The following NADSYN1 variants were observed in gnomAD, a reference collection of about 807,000 sequenced individuals.
NADSYN1 encodes the protein glutamine-dependent NAD(+) synthetase.
NADSYN1 carries 80 observed loss-of-function variants against 99.3 expected under a neutral mutation model. The ratio of observed to expected loss-of-function variants is 0.81; its 90% CI spans 0.67 to 0.97. NADSYN1 has a LOEUF of 0.97. NADSYN1 is among the 50% of genes least tolerant of loss of function. The pLI is 0.00. For missense variants in NADSYN1, 859 were observed against 948.5 expected, an observed-to-expected ratio of 0.91 and a Z score of 1.24; for synonymous variants, 385 against 372.1, an observed-to-expected ratio of 1.03 and a Z score of -0.40.
intron 20 of NADSYN1, chr11:71,498,977 G>A (rs10898210): frequency 0.81 from 126,065 of 155,878 alleles, 51,881 homozygotes; most frequent in Non-Finnish European, 0.9. Flanking sequence ...GGTAGCCACC[G>A]TCGCACTCTC....
At chr11:71,485,822 C>T (rs931785939) in intron 16 of NADSYN1, among the ~76,000 whole-genome samples, 174 bp downstream of exon 16, 3 of 152,152 alleles carry the variant, frequency 2.0e-5, no homozygotes, top group Non-Finnish European at 2.9e-5. Flanking sequence ...ATCAGCATCA[C>T]GTTCCTGCAG....
intron 18 of NADSYN1, among the ~76,000 whole-genome samples, chr11:71,492,249 C>G (rs1165396797): frequency 6.6e-6 from 1 of 152,184 alleles, no homozygotes; most frequent in Non-Finnish European, 1.5e-5. Context: ...CCACTGCATG[C>G]TGGCCCTTCG....
intron 3 of NADSYN1, among the ~76,000 whole-genome samples, chr11:71,459,402 T>C (rs1448049086): frequency 6.7e-6 from 1 of 150,170 alleles, no homozygotes; most frequent in Non-Finnish European, 1.5e-5. Context: ...TAGCCACCCC[T>C]ATGGAGGCCT....
At chr11:71,491,484 G>T (rs915344449) in intron 17 of NADSYN1, among the ~76,000 whole-genome samples, 1 of 152,226 alleles carries the variant, frequency 6.6e-6, no homozygotes, top group East Asian at 1.9e-4. Flanking sequence ...AGCAGGTAGA[G>T]GCCAGGGGTG....
chr11:71,484,468 G>A (rs778702172), intron 15 of NADSYN1, 21 bp downstream of exon 15: 33 of 1,606,418 alleles, frequency 2.1e-5, no homozygotes, highest in South Asian at 5.5e-5. Context: ...CTGGGCCGGC[G>A]TCCCCTGGGG....
chr11:71,481,602 A>G (rs373948383), intron 12 of NADSYN1, 198 bp downstream of exon 12: 2 of 624,342 alleles, frequency 3.2e-6, no homozygotes, highest in Admixed American at 2.9e-5. Context: ...GGTCAGCTCC[A>G]CCTTTGGAGG....
intron 18 of NADSYN1, among the ~76,000 whole-genome samples, chr11:71,493,426 T>G (rs1354694185): frequency 6.6e-6 from 1 of 152,206 alleles, no homozygotes; most frequent in African/African-American, 2.4e-5. Context: ...GCTCAGAGCT[T>G]TTTAGTAACC....
At position 71,481,937 on chromosome 11, in the gene NADSYN1, G is replaced by A. The variant is rs761700375; in HGVS notation, c.1062G>A (p.Leu354=). 3 of 1,613,284 alleles carry A rather than the reference G, an allele frequency of 1.9e-6. No individual in the cohort carries two copies. The highest frequency in any genetic ancestry group is 2.5e-6 in the Non-Finnish European group (3 of 1,179,676). Residue 354 remains leucine (L), a synonymous_variant, in exon 13 of 21, where the codon CTG becomes CTA. Transcript: ENST00000319023. ...LRRSQQAGFL[L]PLSGGVDSAA... ...GTCCATTCCAGGCAGGGTTTTTGCT[G>A]CCCTTGAGTGGCGGGGTGGACAGCG...
rs368668859 is a variant in NADSYN1, at chr11:71,458,533, C to T, written c.252C>T (p.Cys84=). The T allele has an allele frequency of 1.6e-5, 25 of 1,606,328 alleles. No homozygotes were observed. The highest frequency in any genetic ancestry group is 1.6e-4 in the Middle Eastern group (1 of 6,068). Residue 84 remains cysteine, a synonymous_variant, in exon 3 of 21, where the codon TGC becomes TGT. Transcript: ENST00000319023. The part of the protein sequence containing the change: ...VESPVTQDII[C]DVGMPVMHRN... ...CTCCCGTCACTCAGGACATCATCTG[C>T]GACGTGGGGATGTAAGTGCCAGTGT... is the stretch of plus-strand genomic sequence containing the variant.
intron 10 of NADSYN1, 48 bp from the exon 11 acceptor site, chr11:71,480,707 G>T (rs1400262081): frequency 6.2e-7 from 1 of 1,612,910 alleles, no homozygotes; most frequent in South Asian, 1.1e-5. Context: ...GGACCCAGAG[G>T]GTTTCCGTGA....
At chr11:71,498,206 G>A (rs371363193) in intron 19 of NADSYN1, 146 bp from the exon 20 acceptor site, 14 of 886,862 alleles carry the variant, frequency 1.6e-5, no homozygotes, top group Middle Eastern at 3.6e-4. Context: ...GCCTGAGCAC[G>A]GGCATCCCCC....
At chr11:71,461,245 GCTTACTCCA>G (rs1427847383) in intron 3 of NADSYN1, among the ~76,000 whole-genome samples, 1 of 152,002 alleles carries the variant, frequency 6.6e-6, no homozygotes, top group African/African-American at 2.4e-5. Context: ...TGTTCTAGTG[GCTTACTCCA>G]CTTAGAGATC....
At chr11:71,478,695 T>C in intron 10 of NADSYN1, 1 of 519,688 alleles carries the variant, frequency 1.9e-6, no homozygotes, top group Non-Finnish European at 3.5e-6. Flanking sequence ...TGGGGTGAGC[T>C]GGGGACAGGC....
chr11:71,500,996 C>T (rs1386839356), intron 20 of NADSYN1, among the ~76,000 whole-genome samples: 2 of 151,934 alleles, frequency 1.3e-5, no homozygotes, highest in Non-Finnish European at 2.9e-5. Flanking sequence ...TACTCAGGGG[C>T]GGGCTCCCCC....
chr11:71,462,911 A>G (rs1031052521), intron 3 of NADSYN1, among the ~76,000 whole-genome samples: 2 of 152,096 alleles, frequency 1.3e-5, no homozygotes, highest in Non-Finnish European at 2.9e-5. Context: ...CTCTCCTGCT[A>G]TGGTCCCCTT....
intron 5 of NADSYN1, among the ~76,000 whole-genome samples, chr11:71,468,838 A>G (rs1359853342): frequency 6.6e-6 from 1 of 152,256 alleles, no homozygotes; most frequent in Non-Finnish European, 1.5e-5. Flanking sequence ...TACCAGCAAC[A>G]TTCAGTCAGA....
chr11:71,498,166 C>A (rs1302751104), intron 19 of NADSYN1, among the ~76,000 whole-genome samples, 186 bp from the exon 20 acceptor site: 1 of 152,176 alleles, frequency 6.6e-6, no homozygotes, highest in Non-Finnish European at 1.5e-5. Flanking sequence ...GCAGGGGGAC[C>A]CCGGTTTCAT....
intron 5 of NADSYN1, among the ~76,000 whole-genome samples, chr11:71,467,671 T>C (rs1002867580): frequency 6.6e-6 from 1 of 152,144 alleles, no homozygotes; most frequent in East Asian, 1.9e-4. Flanking sequence ...TTATCCAGAA[T>C]TTAAGCCTTA....
intron 20 of NADSYN1, chr11:71,499,922 G>A (rs901129709): frequency 6.6e-6 from 1 of 152,300 alleles, no homozygotes; most frequent in Admixed American, 6.5e-5. Context: ...TGTGGTTCCA[G>A]CTACTTGGGA....
Sources: gnomAD v4.1 joint callset for allele counts (sites outside exome capture counted in the v4.1 genomes callset) on GRCh38, gnomAD v4.1.1 for gene constraint, MANE v1.5 for transcripts, NCBI Gene and HGNC (gene_info 2026-07-23, HGNC 2026-07-21) for gene names.